The following KAT6A variants were observed in gnomAD, a reference collection of about 807,000 sequenced individuals.
The protein encoded by KAT6A is histone acetyltransferase KAT6A.
In KAT6A, 9 loss-of-function variants were observed where a neutral mutation model predicts 198.4. That is an observed-to-expected ratio of 0.05 (90% CI 0.03 to 0.08). The LOEUF (loss-of-function observed/expected upper bound fraction) is 0.08, where lower values mean the gene tolerates loss of function less well. Among genes scored for constraint, KAT6A ranks in the 10% least tolerant of loss-of-function variants. KAT6A has a pLI of 1.00. For synonymous variants in KAT6A, 890 were observed against 883.0 expected (o/e 1.01, Z -0.14); for missense variants, 2,077 against 2,509.9 (o/e 0.83, Z 3.69).
rs1381640816 is a variant in KAT6A, at chr8:41,942,810, T to C, written c.2419A>G (p.Arg807Gly). 1 of 1,614,188 alleles carries C rather than the reference T, an allele frequency of 6.2e-7. No individual in the cohort carries two copies. Among genetic ancestry groups the C allele is most frequent in the Non-Finnish European group, 8.5e-7 (1 of 1,180,024 alleles). ...GCCCTTACACTGATCTCTAATTCTCTTTCCTGGCACTGTGGCTCTTCGTTT... is the reference window on the plus strand; with the variant it reads ...GCCCTTACACTGATCTCTAATTCTCCTTCCTGGCACTGTGGCTCTTCGTTT... ...GENEEPQCQE[R>G]ELEISVGKSV... Residue 807 changes from arginine to glycine, a missense_variant, in exon 14 of 17, where the codon AGA (arginine) becomes GGA (glycine). By Grantham distance (125) the Arg-to-Gly change is moderately radical. Coordinates refer to ENST00000265713, the MANE Select transcript of KAT6A (RefSeq NM_006766.5).
intron 8 of KAT6A, among the ~76,000 whole-genome samples, chr8:41,968,308 G>C (rs1214256997): frequency 1.3e-5 from 2 of 152,018 alleles, no homozygotes; most frequent in African/African-American, 4.8e-5. Flanking sequence ...TGAAAAAGTG[G>C]GCAAAGGACA....
chr8:41,979,369 T>C (rs1399157506), intron 5 of KAT6A, among the ~76,000 whole-genome samples: 3 of 151,938 alleles, frequency 2.0e-5, no homozygotes, highest in African/African-American at 7.3e-5. Context: ...CTGGGCACAG[T>C]GGCTCATGCC....
In KAT6A at chr8:42,045,349, T is replaced by A. The variant is rs191592382; in HGVS notation, c.600+3029A>T. Among the ~76,000 whole-genome samples the A allele has an allele frequency of 4.9e-3, 752 of 152,054 alleles. 9 individuals carry two copies. The highest frequency in any genetic ancestry group is 0.016 in the African/African-American group (677 of 41,480). ...GCCAAGGTGGGCGGATCACCTGAGG[T>A]TGGGAGTTCGAGATGAGCCTGACCA... is the stretch of plus-strand genomic sequence containing the variant. On this transcript the variant is annotated intron_variant, in intron 2 of 16. Transcript: ENST00000265713.
chr8:41,964,560 G>C (rs1330703112), intron 8 of KAT6A, among the ~76,000 whole-genome samples: 1 of 143,300 alleles, frequency 7.0e-6, no homozygotes, highest in Non-Finnish European at 1.5e-5. Flanking sequence ...ATGCTCGTAA[G>C]AACACTGCAG....
intron 8 of KAT6A, among the ~76,000 whole-genome samples, chr8:41,971,428 G>A (rs532283974): frequency 6.6e-6 from 1 of 152,090 alleles, no homozygotes; most frequent in South Asian, 2.1e-4. Flanking sequence ...CTAAATCATC[G>A]ACTCTAGAGG....
At chr8:41,977,400 T>C (rs1051414177) in intron 6 of KAT6A, 73 bp from the exon 7 acceptor site, 24 of 959,232 alleles carry the variant, frequency 2.5e-5, no homozygotes, top group Non-Finnish European at 3.4e-5. Context: ...ATACATAACA[T>C]ATAATTAGTA....
intron 16 of KAT6A, among the ~76,000 whole-genome samples, chr8:41,935,833 G>C (rs1032679742): frequency 1.3e-5 from 2 of 152,178 alleles, no homozygotes; most frequent in Non-Finnish European, 2.9e-5. Context: ...AATGATCTAA[G>C]ACAGAATATA....
At chr8:42,008,752 T>C (rs1825867932) in intron 2 of KAT6A, among the ~76,000 whole-genome samples, 1 of 152,132 alleles carries the variant, frequency 6.6e-6, no homozygotes, top group African/African-American at 2.4e-5. Flanking sequence ...CTGTAACCAC[T>C]AGCCACATGT....
Position 41,929,955 on chromosome 8 carries a change from G to C in KAT6A, c.*2250C>G, listed in dbSNP as rs1374878527. 2 of 218,040 alleles carry C rather than the reference G, an allele frequency of 9.2e-6. No homozygotes were observed. Among genetic ancestry groups the C allele is most frequent in the African/African-American group, 4.5e-5 (2 of 44,448 alleles). 13.5% of individuals were successfully genotyped at this position (218,040 alleles called of 1,614,324 possible). A position where few individuals can be genotyped will look rare whatever the true frequency, so the allele number is the denominator to read the frequency against. On this transcript the variant is annotated 3_prime_UTR_variant, in exon 17 of 17. Coordinates refer to ENST00000265713, the MANE Select transcript of KAT6A (RefSeq NM_006766.5). ...ATTTCTTTTTTAGAAGATTACCCAA[G>C]TTATCTTGCTAAAAATACATTTTTT...
intron 6 of KAT6A, chr8:41,977,602 G>T: frequency 3.3e-6 from 1 of 301,240 alleles, no homozygotes; most frequent in Non-Finnish European, 6.1e-6. Flanking sequence ...CTAGCTGTAC[G>T]ACTTGGACAA....
chr8:41,993,230 T>C (rs1825029098), intron 2 of KAT6A, among the ~76,000 whole-genome samples: 1 of 152,236 alleles, frequency 6.6e-6, no homozygotes, highest in Non-Finnish European at 1.5e-5. Flanking sequence ...ACTGGCTGTG[T>C]TGTTACTTAG....
intron 8 of KAT6A, 69 bp from the exon 9 acceptor site, chr8:41,955,480 G>T: frequency 3.1e-6 from 3 of 965,504 alleles, no homozygotes; most frequent in Non-Finnish European, 4.9e-6. Flanking sequence ...AGAAAGTTCT[G>T]AATCTAAATG....
At chr8:41,970,296 A>T (rs894332127) in intron 8 of KAT6A, among the ~76,000 whole-genome samples, 1 of 152,194 alleles carries the variant, frequency 6.6e-6, no homozygotes, top group Non-Finnish European at 1.5e-5. Flanking sequence ...CTAGCTGTTT[A>T]TTTCCTTGGT....
intron 8 of KAT6A, chr8:41,957,545 G>C: frequency 3.9e-6 from 1 of 258,956 alleles, no homozygotes; most frequent in Non-Finnish European, 7.7e-6. Flanking sequence ...ATATAATCAA[G>C]GGCACAAAAT....
At chr8:42,045,700 C>T (rs1212715501) in intron 2 of KAT6A, among the ~76,000 whole-genome samples, 2 of 151,032 alleles carry the variant, frequency 1.3e-5, no homozygotes, top group Admixed American at 6.6e-5. Context: ...TGGCCAGGTG[C>T]GGTGGATCAT....
At chr8:41,946,551 C>T in intron 12 of KAT6A, 40 bp downstream of exon 12, 1 of 959,388 alleles carries the variant, frequency 1.0e-6, no homozygotes. Context: ...CAGAGAAGGT[C>T]CACTGGAAAA....
chr8:41,959,528 A>G (rs1823089222), intron 8 of KAT6A, among the ~76,000 whole-genome samples: 1 of 152,248 alleles, frequency 6.6e-6, no homozygotes, highest in Non-Finnish European at 1.5e-5. Flanking sequence ...AACTGAAAGC[A>G]GTTCTTTGTA....
chr8:41,995,286 T>C (rs1825144288), intron 2 of KAT6A, among the ~76,000 whole-genome samples: 1 of 152,128 alleles, frequency 6.6e-6, no homozygotes, highest in Non-Finnish European at 1.5e-5. Flanking sequence ...TCTCACAAAG[T>C]GATTTCATGG....
intron 8 of KAT6A, among the ~76,000 whole-genome samples, chr8:41,967,565 C>A (rs950942121): frequency 2.0e-5 from 3 of 150,734 alleles, no homozygotes; most frequent in African/African-American, 7.3e-5. Context: ...TTTGTTCTTG[C>A]GATAGTTTAC....
Sources: gnomAD v4.1 joint callset for allele counts (sites outside exome capture counted in the v4.1 genomes callset) on GRCh38, gnomAD v4.1.1 for gene constraint, MANE v1.5 for transcripts, NCBI Gene and HGNC (gene_info 2026-07-23, HGNC 2026-07-21) for gene names.